The following TEK variants were observed in gnomAD, a reference collection of about 807,000 sequenced individuals.
TEK encodes angiopoietin-1 receptor.
Under a neutral mutation model 131.8 loss-of-function variants are expected in TEK, and 43 were observed. The ratio of observed to expected loss-of-function variants is 0.33; its 90% CI spans 0.26 to 0.42. The LOEUF is 0.42. Among genes scored for constraint, TEK ranks in the 10% least tolerant of loss-of-function variants. The pLI is 1.00. For synonymous variants in TEK, 580 were observed against 491.6 expected, an observed-to-expected ratio of 1.18 and a Z score of -2.38; for missense variants, 1,162 against 1,384.4, an observed-to-expected ratio of 0.84 and a Z score of 2.55.
At chr9:27,197,255 A>G in intron 11 of TEK, 60 bp from the exon 12 acceptor site, 1 of 1,570,722 alleles carries the variant, frequency 6.4e-7, no homozygotes, top group Non-Finnish European at 8.7e-7. Context: ...TTGGGTGGGG[A>G]CACTAATCCA....
chr9:27,214,182 G>C (rs1196535556), intron 18 of TEK, among the ~76,000 whole-genome samples: 1 of 152,194 alleles, frequency 6.6e-6, no homozygotes, highest in East Asian at 1.9e-4. Context: ...CAGTCTTAGA[G>C]GAAGAGAGAT....
intron 11 of TEK, chr9:27,195,619 T>A (rs2131193022): frequency 2.2e-6 from 1 of 455,794 alleles, no homozygotes; most frequent in East Asian, 6.9e-5. Flanking sequence ...ATCTGGAATT[T>A]AAAAATCAAT....
At chr9:27,224,785 G>T (rs945092683) in intron 21 of TEK, among the ~76,000 whole-genome samples, 1 of 152,016 alleles carries the variant, frequency 6.6e-6, no homozygotes, top group African/African-American at 2.4e-5. Flanking sequence ...AGAAAGAAAG[G>T]GCATTCAAAT....
chr9:27,168,608 G>A lies in TEK; in HGVS notation c.475+3G>A, dbSNP rs1823829062. 9.5e-6 allele frequency: 15 copies of A among 1,586,198 alleles called. No individual in the cohort carries two copies. The highest frequency in any genetic ancestry group is 1.1e-5 in the South Asian group (1 of 90,252). On this transcript the variant is annotated splice_donor_region_variant and intron_variant, in intron 3 of 22. Transcript: ENST00000380036. ...AGATGCAGTGATTTACAAAAATGGT[G>A]AGTATGTGTTTCATTGCTTTCCCCA... is the stretch of plus-strand genomic sequence containing the variant.
chr9:27,170,154 AACTC>A (rs1328039196), intron 4 of TEK, among the ~76,000 whole-genome samples: 1 of 152,132 alleles, frequency 6.6e-6, no homozygotes, highest in Non-Finnish European at 1.5e-5. Flanking sequence ...ATCTCATGAG[AACTC>A]ACTCACTATC....
chr9:27,188,906 G>T (rs544190513), intron 9 of TEK, among the ~76,000 whole-genome samples: 2 of 152,228 alleles, frequency 1.3e-5, no homozygotes, highest in South Asian at 2.1e-4. Context: ...CAGAAATGGG[G>T]GTAGAGAATG....
chr9:27,187,843 A>G (rs117668107), intron 9 of TEK, among the ~76,000 whole-genome samples: 111 of 152,218 alleles, frequency 7.3e-4, no homozygotes, highest in Non-Finnish European at 1.3e-3. Flanking sequence ...GTCCTAATTT[A>G]ATCCTCTTAC....
At position 27,157,915 on chromosome 9, in the gene TEK, C is replaced by T. The variant is rs200755526; in HGVS notation, c.137C>T (p.Ala46Val). 13 of 1,614,016 alleles carry T rather than the reference C, an allele frequency of 8.1e-6. No homozygotes were observed. In the Admixed American group the frequency reaches 1.2e-4, roughly 14 times the overall value. Residue 46 changes from alanine (A) to valine (V), a missense_variant, in exon 2 of 23, where the codon GCC (alanine) becomes GTC (valine). Transcript: ENST00000380036. ...GCTGAAACATCTCTCACCTGCATTGCCTCTGGGTGGCGCCCCCATGAGCCC... is the reference window on the plus strand; with the variant it reads ...GCTGAAACATCTCTCACCTGCATTGTCTCTGGGTGGCGCCCCCATGAGCCC... ...SDAETSLTCI[A>V]SGWRPHEPIT... is the part of the protein sequence containing the mutation.
intron 4 of TEK, among the ~76,000 whole-genome samples, chr9:27,171,060 T>A (rs1230248329): frequency 1.3e-5 from 2 of 152,192 alleles, no homozygotes; most frequent in African/African-American, 4.8e-5. Context: ...CATTTAACTC[T>A]TATGTGTGAT....
intron 6 of TEK, among the ~76,000 whole-genome samples, chr9:27,178,702 C>T (rs1395063056): frequency 6.6e-6 from 1 of 152,040 alleles, no homozygotes; most frequent in Non-Finnish European, 1.5e-5. Context: ...ATAAGGACAC[C>T]CAGTTAACAG....
chr9:27,152,526 C>T (rs584451), intron 1 of TEK, among the ~76,000 whole-genome samples: 40,278 of 150,918 alleles, frequency 0.27, 5,703 homozygotes, highest in South Asian at 0.52. Context: ...AAATTGCTGA[C>T]CTTTGAGGTT....
chr9:27,149,899 G>A (rs952445977), intron 1 of TEK, among the ~76,000 whole-genome samples: 2 of 152,132 alleles, frequency 1.3e-5, no homozygotes, highest in Non-Finnish European at 2.9e-5. Flanking sequence ...TCCTGGTGCT[G>A]ATAAACACAG....
At chr9:27,228,942 G>A (rs1258683226) in intron 22 of TEK, among the ~76,000 whole-genome samples, 15 of 152,174 alleles carry the variant, frequency 9.9e-5, no homozygotes, top group Non-Finnish European at 2.1e-4. Context: ...AGAAACTGAG[G>A]ATACAGTATG....
chr9:27,228,172 A>T (rs1039361486), intron 21 of TEK, 34 bp from the exon 22 acceptor site: 14 of 1,563,754 alleles, frequency 9.0e-6, no homozygotes, highest in African/African-American at 4.1e-5. Context: ...AAGCACAGTT[A>T]TAGAATTAAC....
rs755716077 is a variant in TEK, at chr9:27,218,834, A to G, written c.3103+17A>G. 3.1e-6 allele frequency: 5 copies of G among 1,613,448 alleles called. No homozygotes were observed. In the Admixed American group the frequency reaches 6.7e-5, roughly 22 times the overall value. ...TTAGCTTAGGTGAGTATCTATGTTT[A>G]TCTACCAGGTGAGACTCTAGGCAAA... On this transcript the variant is annotated intron_variant, in intron 20 of 22. Transcript: ENST00000380036.
At chr9:27,157,282 G>C (rs1169796778) in intron 1 of TEK, among the ~76,000 whole-genome samples, 2 of 152,164 alleles carry the variant, frequency 1.3e-5, no homozygotes, top group Non-Finnish European at 2.9e-5. Flanking sequence ...AATCCTGATG[G>C]AGTAAATGAG....
intron 1 of TEK, among the ~76,000 whole-genome samples, chr9:27,137,947 G>C (rs966133740): frequency 6.6e-6 from 1 of 152,156 alleles, no homozygotes; most frequent in African/African-American, 2.4e-5. Flanking sequence ...TGTTCCTTCA[G>C]ATGTGTCTGG....
chr9:27,226,215 G>A (rs1383013964), intron 21 of TEK, among the ~76,000 whole-genome samples: 1 of 152,150 alleles, frequency 6.6e-6, no homozygotes, highest in East Asian at 1.9e-4. Context: ...ATTTGACCCA[G>A]CCATCCCATT....
At chr9:27,147,869 G>T (rs1432990344) in intron 1 of TEK, among the ~76,000 whole-genome samples, 1 of 152,188 alleles carries the variant, frequency 6.6e-6, no homozygotes, top group Non-Finnish European at 1.5e-5. Context: ...ACGTGAGATG[G>T]TGTAATATAG....
Sources: gnomAD v4.1 joint callset for allele counts (sites outside exome capture counted in the v4.1 genomes callset) on GRCh38, gnomAD v4.1.1 for gene constraint, MANE v1.5 for transcripts, NCBI Gene and HGNC (gene_info 2026-07-23, HGNC 2026-07-21) for gene names.